The following ADCY9 variants were observed in gnomAD, a reference collection of about 807,000 sequenced individuals.
ADCY9 encodes adenylate cyclase 9, also known as adenylate cyclase type 9.
A neutral mutation model predicts 101.5 loss-of-function variants in ADCY9; 50 were observed. That is an observed-to-expected ratio of 0.49 (90% CI 0.39 to 0.62). The LOEUF is 0.62. Among genes scored for constraint, ADCY9 ranks in the 20% least tolerant of loss-of-function variants. The pLI is 0.00. For missense variants in ADCY9, 1,662 were observed against 1,800.4 expected, an observed-to-expected ratio of 0.92 and a Z score of 1.39; for synonymous variants, 905 against 769.3, an observed-to-expected ratio of 1.18 and a Z score of -2.92.
At chr16:4,106,412 C>A (rs888037474) in intron 2 of ADCY9, among the ~76,000 whole-genome samples, 2 of 152,202 alleles carry the variant, frequency 1.3e-5, no homozygotes, top group African/African-American at 4.8e-5. Flanking sequence ...TCCGCGGCAG[C>A]ACCGGTGCCT....
rs574682834 is a variant in ADCY9 at position 4,046,195 on chromosome 16, A to C, written c.1694-38637T>G. On this transcript the variant is annotated intron_variant, in intron 2 of 10. Transcript: ENST00000294016. ...AATGACGAACCTGAGCTGAGCCTTA[A>C]GTATCTGTCCGGAGTCGCAGAAGCA... 5.9e-5 allele frequency among the ~76,000 whole-genome samples: 9 copies of C among 152,224 alleles called. No individual in the cohort carries two copies. The South Asian group carries it at 1.9e-3, about 32-fold the overall frequency.
chr16:4,106,718 C>T lies in ADCY9; in HGVS notation c.1693+7032G>A, dbSNP rs559980476. Among the ~76,000 whole-genome samples the T allele has an allele frequency of 2.6e-4, 40 of 152,342 alleles. 1 individual carries two copies. The South Asian group carries it at 2.9e-3, about 11-fold the overall frequency. ...AGACAAAGACGAGACTTACGGCCCA[C>T]GCAGGCTTCTGCACACTCTGTGCCC... On this transcript the variant is annotated intron_variant, in intron 2 of 10. Coordinates refer to ENST00000294016, the MANE Select transcript of ADCY9 (RefSeq NM_001116.4).
intron 2 of ADCY9, among the ~76,000 whole-genome samples, chr16:4,095,471 C>T (rs189362113): frequency 1.3e-5 from 2 of 152,106 alleles, no homozygotes; most frequent in African/African-American, 4.8e-5. Flanking sequence ...ACAGAATCAT[C>T]GGTAAGAACA....
chr16:4,041,618 C>G (rs1282690251), intron 2 of ADCY9, among the ~76,000 whole-genome samples: 14 of 150,954 alleles, frequency 9.3e-5, no homozygotes, highest in African/African-American at 2.9e-4. Context: ...AAATAAAGTA[C>G]TAGCAAATTC....
Position 4,115,154 on chromosome 16 carries a change from A to G in ADCY9, c.289T>C (p.Ser97Pro). The G allele has an allele frequency of 6.2e-7, 1 of 1,613,800 alleles. No individual in the cohort carries two copies. Among genetic ancestry groups the G allele is most frequent in the Non-Finnish European group, 8.5e-7 (1 of 1,180,024 alleles). ...SSRWWDPKFD[S>P]VNLEEACLER... The stretch of plus-strand genomic sequence containing the variant: ...AGGCAGGCCTCCTCCAGGTTCACCG[A>G]GTCGAACTTGGGGTCCCACCAGCGG... The change falls in exon 2 of 11, where the codon TCG becomes CCG. Residue 97 changes from serine (S) to proline (P), a missense_variant. Physicochemically the swap from Ser to Pro is moderately conservative, Grantham distance 74. Around this residue, in one of 5 missense-constraint regions of ADCY9, gnomAD observed 422 missense variants for 392.0 expected, o/e 1.08. Coordinates refer to ENST00000294016, the MANE Select transcript of ADCY9 (RefSeq NM_001116.4). This position sits in a 1 kb window ranked among gnomAD's most constrained non-coding sequence, Gnocchi z 6.2.
chr16:3,967,669 AGG>A lies in ADCY9; in HGVS notation c.2871-705_2871-704del, dbSNP rs1235062494. On this transcript the variant is annotated intron_variant, in intron 10 of 10. Transcript: ENST00000294016. ...TGGCCTTCCAAAGTGCTGGGATTAC[AGG>A]CTTGAACTGTGCTTGGCCTAACATC... is the stretch of plus-strand genomic sequence containing the variant. Among the ~76,000 whole-genome samples, 561 of 149,718 alleles carry A rather than the reference AGG, an allele frequency of 3.7e-3. 3 individuals are homozygous for A. Among genetic ancestry groups the A allele is most frequent in the Admixed American group, 4.5e-3 (67 of 15,000 alleles).
chr16:3,979,463 G>A (rs1055668167), intron 7 of ADCY9, among the ~76,000 whole-genome samples, 188 bp from the exon 8 acceptor site: 4 of 152,254 alleles, frequency 2.6e-5, no homozygotes, highest in African/African-American at 7.2e-5. Context: ...AGGAAGCCAG[G>A]CTTAGCTCAT....
chr16:3,966,784 C>A lies in ADCY9; in HGVS notation c.3053G>T (p.Arg1018Leu). ...YHGDVEADLH[R>L]TKIQSMRDQA... The stretch of plus-strand genomic sequence containing the variant: ...GTCCCGCATGCTCTGGATCTTGGTG[C>A]GGTGAAGATCCGCTTCCACGTCTCC... The change falls in exon 11 of 11, where the codon CGC becomes CTC. Residue 1018 changes from arginine to leucine, a missense_variant. Arg to Leu is a moderately radical substitution (Grantham distance 102). Around this residue, in one of 5 missense-constraint regions of ADCY9, gnomAD observed 220 missense variants for 312.9 expected, o/e 0.70. Coordinates refer to ENST00000294016, the MANE Select transcript of ADCY9 (RefSeq NM_001116.4). 6.2e-7 allele frequency: 1 copy of A among 1,614,184 alleles called. No individual in the cohort carries two copies. The highest frequency in any genetic ancestry group is 8.5e-7 in the Non-Finnish European group (1 of 1,180,030).
intron 8 of ADCY9, 78 bp downstream of exon 8, chr16:3,979,038 A>T: frequency 6.4e-7 from 1 of 1,572,658 alleles, no homozygotes; most frequent in South Asian, 1.1e-5. Context: ...TTAAATTGCT[A>T]TCCCAAGTGA....
rs2056358878 is a variant in ADCY9 at position 4,005,122 on chromosome 16, A to T, written c.1884+2246T>A. 2.6e-5 allele frequency among the ~76,000 whole-genome samples: 4 copies of T among 152,134 alleles called. No individual in the cohort carries two copies. In the South Asian group the frequency reaches 8.3e-4, roughly 31 times the overall value. On this transcript the variant is annotated intron_variant, in intron 3 of 10. Transcript: ENST00000294016. ...CGCGTCCTCCTCTGAAGGCCTAGCT[A>T]CTGTCTACTAGCCTAGTGAAGGCTC... is the stretch of plus-strand genomic sequence containing the variant.
intron 2 of ADCY9, among the ~76,000 whole-genome samples, chr16:4,074,818 T>C (rs1246157218): frequency 2.0e-5 from 3 of 152,116 alleles, no homozygotes; most frequent in East Asian, 3.9e-4. Flanking sequence ...TTTCTTTACA[T>C]AGACAATTCA....
chr16:3,961,750 G>A (rs370943838), downstream of ADCY9, among the ~76,000 whole-genome samples: 15 of 152,148 alleles, frequency 9.9e-5, no homozygotes, highest in African/African-American at 2.4e-4. Flanking sequence ...ACCAGGCCGG[G>A]CACAGTGGCT....
At chr16:4,084,461 C>T (rs1468320296) in intron 2 of ADCY9, among the ~76,000 whole-genome samples, 1 of 152,000 alleles carries the variant, frequency 6.6e-6, no homozygotes, top group Non-Finnish European at 1.5e-5. Flanking sequence ...CACGGTGGCT[C>T]ACACCTGTAA....
rs113838148 is a variant in ADCY9 at position 4,021,195 on chromosome 16, C to T, written c.1694-13637G>A. Reference sequence around the variant, plus strand: ...AAAAGCAGCACATGTATTAAACACACTGCTGCACAATGGGCGTGCCATGGG... The same window carrying T: ...AAAAGCAGCACATGTATTAAACACATTGCTGCACAATGGGCGTGCCATGGG... On this transcript the variant is annotated intron_variant, in intron 2 of 10. Transcript: ENST00000294016. 1.1e-4 allele frequency among the ~76,000 whole-genome samples: 17 copies of T among 152,364 alleles called. 3 individuals are homozygous for T. The highest frequency in any genetic ancestry group is 3.8e-4 in the African/African-American group (16 of 41,592).
chr16:3,958,313 G>A (rs981524145), downstream of ADCY9, among the ~76,000 whole-genome samples: 2 of 152,052 alleles, frequency 1.3e-5, no homozygotes, highest in East Asian at 1.9e-4. Context: ...AGCCTGAGGC[G>A]GGCAGATCAC....
At chr16:4,110,785 C>T (rs570104340) in intron 2 of ADCY9, among the ~76,000 whole-genome samples, 76 of 152,266 alleles carry the variant, frequency 5.0e-4, no homozygotes, top group African/African-American at 1.2e-3. Context: ...TGTCAGGTCA[C>T]GGCCATGGAA....
At chr16:4,031,664 G>A (rs562035039) in intron 2 of ADCY9, among the ~76,000 whole-genome samples, 131 of 151,248 alleles carry the variant, frequency 8.7e-4, no homozygotes, top group Admixed American at 2.3e-3. Context: ...CGGGTGGATT[G>A]TTTGAGCCCA....
At chr16:3,959,326 C>T (rs2055925322), downstream of ADCY9, among the ~76,000 whole-genome samples, 1 of 146,964 alleles carries the variant, frequency 6.8e-6, no homozygotes. Context: ...TGAGCCACTG[C>T]ATTCCAGCTT....
chr16:3,998,861 C>A (rs953802092), intron 3 of ADCY9, among the ~76,000 whole-genome samples: 2 of 151,894 alleles, frequency 1.3e-5, no homozygotes, highest in Admixed American at 1.3e-4. Flanking sequence ...CCCTTCTGAG[C>A]TGTAGTTAGA....
Sources: gnomAD v4.1 joint callset for allele counts (sites outside exome capture counted in the v4.1 genomes callset) on GRCh38, gnomAD v4.1.1 for gene constraint, gnomAD v4.1.1 regional missense constraint, Gnocchi (gnomAD v3.1) non-coding constraint, MANE v1.5 for transcripts, NCBI Gene and HGNC (gene_info 2026-07-23, HGNC 2026-07-21) for gene names.